Variants in ABCA13 observed in about 807,000 individuals in gnomAD.
ABCA13 encodes the protein ATP-binding cassette sub-family A member 13.
ABCA13 carries 476 observed loss-of-function variants against 478.7 expected under a neutral mutation model. The ratio of observed to expected loss-of-function variants is 0.99; its 90% confidence interval spans 0.92 to 1.07. ABCA13 has a LOEUF of 1.07. Ranked by LOEUF, ABCA13 falls within the 50% of genes least tolerant of loss-of-function variation. The pLI, the probability that ABCA13 is intolerant of heterozygous loss-of-function variation, is 0.00. For missense variants in ABCA13, 6,060 were observed against 5,910.6 expected (o/e 1.03, Z -0.83); for synonymous variants, 2,252 against 2,158.9 (o/e 1.04, Z -1.20).
intron 53 of ABCA13, among the ~76,000 whole-genome samples, chr7:48,523,511 G>T (rs1832694158): frequency 1.3e-5 from 2 of 151,710 alleles, no homozygotes; most frequent in Non-Finnish European, 2.9e-5. Flanking sequence ...TCAAAGCCAG[G>T]TAATTGATGT....
chr7:48,645,630 T>C lies in ABCA13; in HGVS notation c.*118T>C. The C allele has an allele frequency of 6.4e-6, 5 of 781,890 alleles. No homozygotes were observed. The South Asian group carries it at 8.9e-5, about 14-fold the overall frequency. The allele number at this position is 781,890 out of a possible 1,614,324, so 48.4% of individuals were successfully genotyped here. On this transcript the variant is annotated 3_prime_UTR_variant, in exon 62 of 62. Coordinates refer to ENST00000435803, the MANE Select transcript of ABCA13 (RefSeq NM_152701.5). ...GGAACACACTCTCCAGGCCGTCAAA[T>C]TATTCTCTTGTTCATTTTCTATTTT...
intron 3 of ABCA13, among the ~76,000 whole-genome samples, chr7:48,216,831 C>G (rs1786550248): frequency 6.6e-6 from 1 of 152,160 alleles, no homozygotes; most frequent in Admixed American, 6.5e-5. Context: ...GGGTTACCTT[C>G]TATCTATAGA....
rs1237614563 is a variant in ABCA13, at chr7:48,279,682, C to G, written c.8488C>G (p.Leu2830Val). ...TAGAATAGCTCTCTGGAGGAAAGGA[C>G]TTCTGTTTAACAACTCTGAATGGAT... ...LSRIALWRKG[L>V]LFNNSEWITS... Residue 2830 changes from leucine to valine, a missense_variant, in exon 18 of 62, where the codon CTT (leucine) becomes GTT (valine). Leu to Val is a conservative substitution (Grantham distance 32). Transcript: ENST00000435803. The G allele has an allele frequency of 1.9e-6, 3 of 1,613,518 alleles. No homozygotes were observed. The South Asian group carries it at 3.3e-5, about 18-fold the overall frequency.
At chr7:48,269,470 C>T (rs1795311821) in intron 16 of ABCA13, among the ~76,000 whole-genome samples, 1 of 152,178 alleles carries the variant, frequency 6.6e-6, no homozygotes, top group Non-Finnish European at 1.5e-5. Context: ...GTTTCAAAGA[C>T]TCCTGGGAGA....
At chr7:48,606,437 T>C (rs1791471176) in intron 58 of ABCA13, among the ~76,000 whole-genome samples, 1 of 152,216 alleles carries the variant, frequency 6.6e-6, no homozygotes, top group African/African-American at 2.4e-5. Flanking sequence ...ATACTATTCC[T>C]TTCTGTTTGT....
At chr7:48,474,676 A>G (rs1295674075) in intron 45 of ABCA13, among the ~76,000 whole-genome samples, 4 of 152,188 alleles carry the variant, frequency 2.6e-5, no homozygotes, top group Non-Finnish European at 4.4e-5. Flanking sequence ...AGGCCTTTCA[A>G]TTGATAAAAA....
chr7:48,544,506 T>C (rs1333421703), intron 55 of ABCA13, among the ~76,000 whole-genome samples: 1 of 150,336 alleles, frequency 6.7e-6, no homozygotes, highest in African/African-American at 2.5e-5. Context: ...TATTCAACCA[T>C]GCCTCTGTAA....
At chr7:48,573,103 T>G (rs1787834140) in intron 55 of ABCA13, among the ~76,000 whole-genome samples, 1 of 152,082 alleles carries the variant, frequency 6.6e-6, no homozygotes, top group Non-Finnish European at 1.5e-5. Flanking sequence ...ATTATATTAA[T>G]GTTTCTATTC....
chr7:48,389,671 G>A (rs913957924), intron 37 of ABCA13, among the ~76,000 whole-genome samples: 1 of 152,038 alleles, frequency 6.6e-6, no homozygotes, highest in Non-Finnish European at 1.5e-5. Flanking sequence ...TTTTTGTGTG[G>A]TTCTTTTCTC....
chr7:48,634,497 T>C (rs1247695782), intron 59 of ABCA13, among the ~76,000 whole-genome samples: 1 of 152,220 alleles, frequency 6.6e-6, no homozygotes, highest in Non-Finnish European at 1.5e-5. Flanking sequence ...TCTCTCTTTT[T>C]TTCTTGGTCA....
chr7:48,438,884 G>A (rs374918994), intron 42 of ABCA13, among the ~76,000 whole-genome samples: 1 of 139,424 alleles, frequency 7.2e-6, no homozygotes, highest in African/African-American at 2.7e-5. Context: ...TTTTGCTAAG[G>A]TTTTTTTTTT....
At chr7:48,319,214 T>C (rs749289256) in intron 27 of ABCA13, among the ~76,000 whole-genome samples, 10 of 152,092 alleles carry the variant, frequency 6.6e-5, no homozygotes, top group Admixed American at 2.6e-4. Flanking sequence ...ATGATGAGAA[T>C]TTTTGAAAAA....
intron 55 of ABCA13, among the ~76,000 whole-genome samples, chr7:48,542,306 CT>C (rs1833995042): frequency 6.6e-6 from 1 of 151,714 alleles, no homozygotes; most frequent in Non-Finnish European, 1.5e-5. Context: ...ACAAATACAA[CT>C]CTTCATTTTT....
At chr7:48,302,152 C>T (rs1052536249) in intron 23 of ABCA13, among the ~76,000 whole-genome samples, 4 of 152,156 alleles carry the variant, frequency 2.6e-5, no homozygotes, top group African/African-American at 9.7e-5. Flanking sequence ...ATTCTTCCAT[C>T]ACATGATGTT....
At position 48,208,410 on chromosome 7, in the gene ABCA13, A is replaced by G. The variant is rs1327246851; in HGVS notation, c.287+10050A>G. On this transcript the variant is annotated intron_variant, in intron 3 of 61. Coordinates refer to ENST00000435803, the MANE Select transcript of ABCA13 (RefSeq NM_152701.5). ...TGCTTTGGGGAGGATGGACATTTTA[A>G]TAATATTGATTCTTCCAATCCATGA... Among the ~76,000 whole-genome samples the G allele has an allele frequency of 2.0e-5, 3 of 152,128 alleles. No homozygotes were observed. The East Asian group carries it at 5.8e-4, about 29-fold the overall frequency.
intron 41 of ABCA13, among the ~76,000 whole-genome samples, chr7:48,421,606 T>C (rs1285573065): frequency 6.6e-6 from 1 of 152,210 alleles, no homozygotes; most frequent in African/African-American, 2.4e-5. Flanking sequence ...CAAGATGTTC[T>C]AGGATTGCCA....
intron 59 of ABCA13, among the ~76,000 whole-genome samples, chr7:48,639,863 C>T (rs1488917636): frequency 1.3e-5 from 2 of 152,082 alleles, no homozygotes; most frequent in South Asian, 4.1e-4. Flanking sequence ...GAAATACAGT[C>T]GTAGAGTATG....
intron 42 of ABCA13, among the ~76,000 whole-genome samples, chr7:48,439,792 G>C (rs1297702862): frequency 6.6e-6 from 1 of 152,074 alleles, no homozygotes; most frequent in East Asian, 1.9e-4. Context: ...TTAATTTAAA[G>C]GCAACTGATT....
In ABCA13 at chr7:48,524,246, A is replaced by C. The variant is rs1311342364; in HGVS notation, c.14052-2A>C. 1.9e-6 allele frequency: 3 copies of C among 1,609,728 alleles called. No homozygotes were observed. In the African/African-American group the frequency reaches 4.0e-5, roughly 22 times the overall value. On this transcript the variant is annotated splice_acceptor_variant, in intron 53 of 61. Coordinates refer to ENST00000435803, the MANE Select transcript of ABCA13 (RefSeq NM_152701.5). LOFTEE classifies it high-confidence loss of function. Reference sequence around the variant, plus strand: ...GAATTCACTCTGATTTCATCTTCCCAGGGGTCATTCTACTCTCCAAGGCAC... The same window carrying C: ...GAATTCACTCTGATTTCATCTTCCCCGGGGTCATTCTACTCTCCAAGGCAC...
Sources: gnomAD v4.1 joint callset for allele counts (sites outside exome capture counted in the v4.1 genomes callset) on GRCh38, gnomAD v4.1.1 for gene constraint, MANE v1.5 for transcripts, NCBI Gene and HGNC (gene_info 2026-07-23, HGNC 2026-07-21) for gene names.